Variants in ALK observed in about 807,000 individuals in gnomAD.
ALK encodes the protein ALK receptor tyrosine kinase.
In ALK, 74 loss-of-function variants were observed where a neutral mutation model predicts 163.1. The observed-to-expected ratio is 0.45, with a 90% CI of 0.38 to 0.55. The LOEUF (loss-of-function observed/expected upper bound fraction) is 0.55, where lower values mean the gene tolerates loss of function less well. Ranked by LOEUF, ALK falls within the 20% of genes least tolerant of loss-of-function variation. The pLI is 0.00. For missense variants in ALK, 2,063 were observed against 2,105.3 expected (o/e 0.98, Z 0.39); for synonymous variants, 960 against 843.2 (o/e 1.14, Z -2.40).
intron 3 of ALK, among the ~76,000 whole-genome samples, chr2:29,597,792 C>A (rs933380805): frequency 6.6e-6 from 1 of 152,118 alleles, no homozygotes; most frequent in Admixed American, 6.5e-5. Context: ...AGGGAGGAGA[C>A]ACAGAATGGC....
At chr2:29,336,946 G>C (rs561864488) in intron 5 of ALK, among the ~76,000 whole-genome samples, 1 of 152,192 alleles carries the variant, frequency 6.6e-6, no homozygotes, top group South Asian at 2.1e-4. Flanking sequence ...GACGACACGT[G>C]GGGGAACCTG....
rs1173440684 is a variant in ALK, at chr2:29,193,776, G to A, written c.4311C>T (p.Ser1437=). The change falls in exon 29 of 29, where the codon AGC becomes AGT. Residue 1437 remains serine, a synonymous_variant. Transcript: ENST00000389048. ...TAGGCAGAGGTGGTGGGGCAGCTGG[G>A]CTGCGCTCCTCCTCCCGTTTTGCCT... The part of the protein sequence containing the change: ...SQQAKREEER[S]PAAPPPLPTT... 1.9e-6 allele frequency: 3 copies of A among 1,593,928 alleles called. No individual in the cohort carries two copies. The highest frequency in any genetic ancestry group is 2.6e-6 in the Non-Finnish European group (3 of 1,169,496).
At chr2:29,587,547 GTTC>G (rs1674924561) in intron 3 of ALK, among the ~76,000 whole-genome samples, 1 of 135,974 alleles carries the variant, frequency 7.4e-6, no homozygotes, top group African/African-American at 3.8e-5. Context: ...TCTCTTTTTA[GTTC>G]AAGTCACATG....
At chr2:29,601,107 G>C (rs1021452738) in intron 3 of ALK, among the ~76,000 whole-genome samples, 3 of 152,174 alleles carry the variant, frequency 2.0e-5, no homozygotes, top group Non-Finnish European at 4.4e-5. Context: ...TTTGCTCTCT[G>C]ATTCCCATTC....
At chr2:29,663,905 A>G (rs1009983635) in intron 3 of ALK, among the ~76,000 whole-genome samples, 1 of 152,164 alleles carries the variant, frequency 6.6e-6, no homozygotes, top group Admixed American at 6.5e-5. Flanking sequence ...ATTTTGCTCC[A>G]TGATGAAACC....
intron 1 of ALK, among the ~76,000 whole-genome samples, chr2:29,881,067 C>T (rs1329925894): frequency 1.3e-5 from 2 of 152,302 alleles, no homozygotes; most frequent in East Asian, 3.9e-4. Context: ...AACGTAGGTC[C>T]GTCTTCAACT....
chr2:29,852,428 A>G (rs1032710668), intron 1 of ALK, among the ~76,000 whole-genome samples: 1 of 152,190 alleles, frequency 6.6e-6, no homozygotes, highest in Non-Finnish European at 1.5e-5. Context: ...CACACCAGCC[A>G]GACCTACAAG....
At chr2:29,370,969 T>C (rs1199505946) in intron 5 of ALK, among the ~76,000 whole-genome samples, 2 of 152,254 alleles carry the variant, frequency 1.3e-5, no homozygotes, top group African/African-American at 2.4e-5. Context: ...GTTAATCGTT[T>C]TGTAGATACG....
At chr2:29,582,178 G>C (rs1187499712) in intron 3 of ALK, among the ~76,000 whole-genome samples, 1 of 152,224 alleles carries the variant, frequency 6.6e-6, no homozygotes, top group African/African-American at 2.4e-5. Flanking sequence ...GGGAAGAAGA[G>C]GATGAGTGCC....
chr2:29,680,284 TTC>T (rs1386811791), intron 3 of ALK, among the ~76,000 whole-genome samples: 1 of 152,108 alleles, frequency 6.6e-6, no homozygotes, highest in East Asian at 1.9e-4. Context: ...CCCTTTTCTT[TTC>T]TCTCTTATAG....
chr2:29,233,715 C>T lies in ALK; in HGVS notation c.2356-19G>A, dbSNP rs745673569. 1.8e-5 allele frequency: 29 copies of T among 1,614,060 alleles called. No individual in the cohort carries two copies. The highest frequency in any genetic ancestry group is 1.8e-4 in the East Asian group (8 of 44,898). On this transcript the variant is annotated intron_variant, in intron 13 of 28. Transcript: ENST00000389048. Reference sequence around the variant, plus strand: ...GGTTTGTCTGTAGAAACAAAAAGCACGTTAGGTTTGTGGCCAAACCAGAGT... The same window carrying T: ...GGTTTGTCTGTAGAAACAAAAAGCATGTTAGGTTTGTGGCCAAACCAGAGT...
At chr2:29,755,487 A>G (rs1030459863) in intron 1 of ALK, among the ~76,000 whole-genome samples, 7 of 152,148 alleles carry the variant, frequency 4.6e-5, no homozygotes. Flanking sequence ...GGTAACCGGA[A>G]TTTCAAAGGG....
intron 4 of ALK, among the ~76,000 whole-genome samples, chr2:29,499,253 A>G (rs955104755): frequency 1.3e-5 from 2 of 152,134 alleles, no homozygotes; most frequent in Admixed American, 6.5e-5. Flanking sequence ...CTGGAGTTCA[A>G]TGGTGTGGTC....
chr2:29,373,732 T>A (rs1573293083), intron 5 of ALK, among the ~76,000 whole-genome samples: 2 of 152,222 alleles, frequency 1.3e-5, no homozygotes, highest in East Asian at 1.9e-4. Context: ...ACCAGCGAAT[T>A]TCCTTCCTGG....
At chr2:29,749,024 T>C (rs1029022554) in intron 1 of ALK, among the ~76,000 whole-genome samples, 1 of 152,174 alleles carries the variant, frequency 6.6e-6, no homozygotes, top group Non-Finnish European at 1.5e-5. Flanking sequence ...GATACTAACA[T>C]ATCTCTTGAA....
At chr2:29,443,526 A>G (rs10171942) in intron 4 of ALK, among the ~76,000 whole-genome samples, 1,932 of 152,032 alleles carry the variant, frequency 0.013, 48 homozygotes, top group African/African-American at 0.045. Flanking sequence ...TTTGTTTAAT[A>G]CAATTCTGGG....
intron 15 of ALK, among the ~76,000 whole-genome samples, chr2:29,230,870 G>A (rs569802940): frequency 9.2e-5 from 14 of 152,282 alleles, no homozygotes; most frequent in South Asian, 2.1e-4. Context: ...GTGAGTAAGC[G>A]CGTAATAAAT....
At chr2:29,766,755 T>A (rs1375745950) in intron 1 of ALK, among the ~76,000 whole-genome samples, 1 of 152,234 alleles carries the variant, frequency 6.6e-6, no homozygotes, top group Admixed American at 6.5e-5. Flanking sequence ...TAATCCTTTA[T>A]GTACTTTTCC....
In ALK at chr2:29,408,087, C is replaced by CT. The variant is rs750506949; in HGVS notation, c.1155-24229dup. On this transcript the variant is annotated intron_variant, in intron 4 of 28. Transcript: ENST00000389048. ...AAGGTACTCAGGGAAAGTTCTTTTT[C>CT]TTTTTTTTTTTTTGAGATGGAGTCT... Among the ~76,000 whole-genome samples the CT allele has an allele frequency of 1.8e-3, 256 of 145,344 alleles. 1 individual carries two copies. Among genetic ancestry groups the CT allele is most frequent in the East Asian group, 4.0e-3 (20 of 4,984 alleles).
Sources: allele counts gnomAD v4.1 joint callset (sites outside exome capture counted in the v4.1 genomes callset), GRCh38; gene constraint gnomAD v4.1.1; transcripts MANE v1.5; gene names NCBI Gene and HGNC (gene_info 2026-07-23, HGNC 2026-07-21).